Variants in CSMD1 observed in about 807,000 individuals in gnomAD.
The protein encoded by CSMD1 is CUB and Sushi multiple domains 1.
In CSMD1, 213 loss-of-function variants were observed where a neutral mutation model predicts 417.5. The ratio of observed to expected loss-of-function variants is 0.51; its 90% confidence interval spans 0.46 to 0.57. The LOEUF (loss-of-function observed/expected upper bound fraction) is 0.57. Among genes scored for constraint, CSMD1 ranks in the 20% least tolerant of loss-of-function variants. CSMD1 has a pLI of 0.00. For synonymous variants in CSMD1, 2,862 were observed against 1,736.8 expected, an observed-to-expected ratio of 1.65 and a Z score of -16.11; for missense variants, 6,923 against 4,529.7, an observed-to-expected ratio of 1.53 and a Z score of -15.17.
chr8:4,122,944 T>C (rs562880345), intron 3 of CSMD1, among the ~76,000 whole-genome samples: 2 of 152,362 alleles, frequency 1.3e-5, no homozygotes, highest in Admixed American at 6.5e-5. Context: ...TCTAGGCTAC[T>C]GCAAAGCAGC....
intron 1 of CSMD1, among the ~76,000 whole-genome samples, chr8:4,781,100 T>C (rs1160027045): frequency 1.3e-5 from 2 of 152,208 alleles, no homozygotes; most frequent in Non-Finnish European, 2.9e-5. Context: ...ACTCTCATCT[T>C]CTGGTGGTGT....
intron 5 of CSMD1, among the ~76,000 whole-genome samples, chr8:3,910,711 G>C (rs1032321452): frequency 2.6e-5 from 4 of 152,244 alleles, no homozygotes; most frequent in African/African-American, 9.6e-5. Context: ...TGCTTCTTCA[G>C]ACCATTAAGG....
intron 7 of CSMD1, among the ~76,000 whole-genome samples, chr8:3,652,925 C>A (rs1797932342): frequency 6.6e-6 from 1 of 152,156 alleles, no homozygotes; most frequent in South Asian, 2.1e-4. Flanking sequence ...AATAAATGAA[C>A]ACCACTAAAG....
At chr8:3,614,999 G>C (rs565881769) in intron 8 of CSMD1, among the ~76,000 whole-genome samples, 2 of 152,198 alleles carry the variant, frequency 1.3e-5, no homozygotes, top group African/African-American at 4.8e-5. Flanking sequence ...AGAATGGGGA[G>C]CCCTTGGAAG....
rs1799886830 is a variant in CSMD1, at chr8:4,077,346, A to G, written c.416-45247T>C. Among the ~76,000 whole-genome samples the G allele has an allele frequency of 2.5e-5, 3 of 121,612 alleles. 1 individual carries two copies. Among genetic ancestry groups the G allele is most frequent in the Admixed American group, 2.4e-4 (3 of 12,670 alleles). The allele number at this position is 121,612 out of a possible 152,430, so 79.8% of individuals were successfully genotyped here. On this transcript the variant is annotated intron_variant, in intron 3 of 69. Transcript: ENST00000635120. ...ATGGTAGACATATAGATTATATATAATTTATATTTTTTATCAGAGGTATCT... is the reference window on the plus strand; with the variant it reads ...ATGGTAGACATATAGATTATATATAGTTTATATTTTTTATCAGAGGTATCT...
intron 30 of CSMD1, among the ~76,000 whole-genome samples, chr8:3,210,294 G>A (rs1196882851): frequency 2.0e-5 from 3 of 151,998 alleles, no homozygotes; most frequent in Non-Finnish European, 2.9e-5. Flanking sequence ...CTCCATTTGG[G>A]GAAATCAGTG....
chr8:4,164,509 A>T (rs1437359105), intron 3 of CSMD1, among the ~76,000 whole-genome samples: 1 of 152,086 alleles, frequency 6.6e-6, no homozygotes, highest in African/African-American at 2.4e-5. Context: ...TAATCCTACC[A>T]ATGTCCCCAG....
intron 3 of CSMD1, among the ~76,000 whole-genome samples, chr8:4,245,883 T>C (rs1415842014): frequency 1.3e-5 from 2 of 152,184 alleles, no homozygotes; most frequent in African/African-American, 4.8e-5. Context: ...TCACAGGGTA[T>C]ACTTTTCATA....
intron 3 of CSMD1, among the ~76,000 whole-genome samples, chr8:4,215,736 G>A (rs976158343): frequency 1.3e-5 from 2 of 152,110 alleles, no homozygotes; most frequent in South Asian, 2.1e-4. Context: ...ATCTTCATGA[G>A]TAATACTTCC....
intron 1 of CSMD1, among the ~76,000 whole-genome samples, chr8:4,956,552 C>A (rs1809125176): frequency 6.7e-6 from 1 of 149,054 alleles, no homozygotes. Flanking sequence ...ATGTGTATAT[C>A]ATAACATATA....
intron 5 of CSMD1, among the ~76,000 whole-genome samples, chr8:3,764,739 C>CTTTTTTTTTTTTTTTTTTT: frequency 7.7e-6 from 1 of 129,788 alleles, no homozygotes; most frequent in Non-Finnish European, 1.6e-5. Context: ...TTTTCTCTTT[C>CTTTTTTTTTTTTTTTTTTT]TTTTTTTTTT....
At chr8:3,539,459 T>TCA (rs2117556304) in intron 10 of CSMD1, among the ~76,000 whole-genome samples, 1 of 152,294 alleles carries the variant, frequency 6.6e-6, no homozygotes, top group Non-Finnish European at 1.5e-5. Context: ...TTTATGTGTG[T>TCA]TCTAATCTGC....
At chr8:4,237,133 G>C (rs976127131) in intron 3 of CSMD1, among the ~76,000 whole-genome samples, 2 of 152,142 alleles carry the variant, frequency 1.3e-5, no homozygotes, top group Non-Finnish European at 2.9e-5. Context: ...TTGCACGGAA[G>C]CCCTAAAGAA....
chr8:4,644,810 T>C (rs1803417571), intron 1 of CSMD1, among the ~76,000 whole-genome samples: 1 of 152,224 alleles, frequency 6.6e-6, no homozygotes, highest in East Asian at 1.9e-4. Context: ...ATGTAAACCT[T>C]CCAAGAGTGA....
intron 15 of CSMD1, among the ~76,000 whole-genome samples, chr8:3,404,428 G>C (rs1474469409): frequency 6.6e-6 from 1 of 151,982 alleles, no homozygotes; most frequent in Non-Finnish European, 1.5e-5. Flanking sequence ...AGGTGGTGAA[G>C]GATCATGCCC....
intron 3 of CSMD1, among the ~76,000 whole-genome samples, chr8:4,153,471 C>T (rs1796674300): frequency 6.6e-6 from 1 of 152,228 alleles, no homozygotes; most frequent in Non-Finnish European, 1.5e-5. Context: ...GGTTCTGCAG[C>T]TCTGCTTCCC....
chr8:4,987,087 C>G (rs986620092), intron 1 of CSMD1, among the ~76,000 whole-genome samples: 4 of 152,246 alleles, frequency 2.6e-5, no homozygotes, highest in Admixed American at 2.6e-4. Flanking sequence ...ATTTTACTAC[C>G]TAGCACCCAA....
At chr8:3,690,268 A>G (rs960757921) in intron 7 of CSMD1, among the ~76,000 whole-genome samples, 1 of 152,218 alleles carries the variant, frequency 6.6e-6, no homozygotes, top group African/African-American at 2.4e-5. Context: ...AGGCTGAGTC[A>G]GAAGGATCGT....
chr8:3,399,337 C>G (rs1258362073), intron 16 of CSMD1, 54 bp downstream of exon 16: 6 of 1,486,988 alleles, frequency 4.0e-6, no homozygotes, highest in Non-Finnish European at 5.4e-6. Context: ...TTTACTAAAA[C>G]TATGGAAGAG....
Sources: allele counts gnomAD v4.1 joint callset (sites outside exome capture counted in the v4.1 genomes callset), GRCh38; gene constraint gnomAD v4.1.1; transcripts MANE v1.5; gene names NCBI Gene and HGNC (gene_info 2026-07-23, HGNC 2026-07-21).